IL1RAPL1: variants seen among roughly 807,000 people sequenced by gnomAD.
IL1RAPL1 encodes the protein interleukin-1 receptor accessory protein-like 1.
A neutral mutation model predicts 48.4 loss-of-function variants in IL1RAPL1; 3 were observed. The ratio of observed to expected loss-of-function variants is 0.06; its 90% CI spans 0.03 to 0.16. IL1RAPL1 has a LOEUF of 0.16. IL1RAPL1 is among the 10% of genes least tolerant of loss of function. The pLI, the probability that IL1RAPL1 is intolerant of heterozygous loss-of-function variation, is 1.00. For synonymous variants in IL1RAPL1, 185 were observed against 187.7 expected (o/e 0.99, Z 0.12); for missense variants, 349 against 530.6 (o/e 0.66, Z 3.36).
intron 5 of IL1RAPL1, among the ~76,000 whole-genome samples, chrX:29,459,221 G>A (rs1490562194): frequency 8.9e-6 from 1 of 111,760 alleles, no homozygotes; most frequent in Non-Finnish European, 1.9e-5. Flanking sequence ...GATTTCTGGT[G>A]GACAGAATGT....
intron 2 of IL1RAPL1, among the ~76,000 whole-genome samples, chrX:29,224,066 A>G (rs902331328): frequency 1.8e-5 from 2 of 111,515 alleles, no homozygotes; most frequent in Non-Finnish European, 3.8e-5. Context: ...TAAAATGTTT[A>G]CACCATTAGA....
intron 3 of IL1RAPL1, among the ~76,000 whole-genome samples, chrX:29,386,223 T>G (rs1335928447): frequency 2.7e-5 from 3 of 110,815 alleles, no homozygotes; most frequent in Non-Finnish European, 5.7e-5. Context: ...GAGACGGGGA[T>G]TTCACCGTCT....
At chrX:28,915,784 A>G (rs1282760966) in intron 2 of IL1RAPL1, among the ~76,000 whole-genome samples, 1 of 111,542 alleles carries the variant, frequency 9.0e-6, no homozygotes, top group African/African-American at 3.3e-5. Context: ...TGAATAAATT[A>G]CAATTCAACA....
intron 3 of IL1RAPL1, among the ~76,000 whole-genome samples, chrX:29,370,027 A>G (rs1933522495): frequency 8.9e-6 from 1 of 112,001 alleles, no homozygotes; most frequent in South Asian, 3.7e-4. Context: ...GGCTTATTTA[A>G]GTATAAAATT....
chrX:29,198,287 T>C (rs761603971), intron 2 of IL1RAPL1, among the ~76,000 whole-genome samples: 4 of 109,889 alleles, frequency 3.6e-5, no homozygotes, highest in Admixed American at 2.9e-4. Flanking sequence ...TTTAGGTTTT[T>C]TTTTTCTTTT....
At chrX:29,126,200 C>T (rs1928896769) in intron 2 of IL1RAPL1, among the ~76,000 whole-genome samples, 1 of 111,471 alleles carries the variant, frequency 9.0e-6, no homozygotes, top group Non-Finnish European at 1.9e-5. Context: ...TTTTTTTCCA[C>T]ATATGGCTTT....
intron 1 of IL1RAPL1, among the ~76,000 whole-genome samples, chrX:28,632,886 C>CTTTTTTTTTTTTTTT (rs140847456): frequency 2.5e-5 from 1 of 40,666 alleles, no homozygotes; most frequent in Non-Finnish European, 4.3e-5. Flanking sequence ...TCACTGTATG[C>CTTTTTTTTTTTTTTT]TTTTTTTTTT....
At chrX:29,494,303 A>C (rs5971521) in intron 5 of IL1RAPL1, among the ~76,000 whole-genome samples, 53,153 of 110,507 alleles carry the variant, frequency 0.48, 9,377 homozygotes, top group East Asian at 0.69. Context: ...GATATGATTT[A>C]ATTCTTTTTT....
At chrX:29,347,355 C>T (rs1217322227) in intron 3 of IL1RAPL1, among the ~76,000 whole-genome samples, 1 of 108,776 alleles carries the variant, frequency 9.2e-6, no homozygotes, top group East Asian at 2.9e-4. Flanking sequence ...TCTTAGCAAA[C>T]AGTATATGGT....
chrX:29,491,501 A>C (rs911968861), intron 5 of IL1RAPL1, among the ~76,000 whole-genome samples: 2 of 112,353 alleles, frequency 1.8e-5, no homozygotes, highest in Admixed American at 9.4e-5. Context: ...ATAATCAAAC[A>C]AAAAAGGACT....
intron 5 of IL1RAPL1, among the ~76,000 whole-genome samples, chrX:29,463,865 A>G (rs1934831578): frequency 9.0e-6 from 1 of 111,564 alleles, no homozygotes; most frequent in South Asian, 3.8e-4. Flanking sequence ...CTGTCCCGTG[A>G]CCACCATGTT....
intron 2 of IL1RAPL1, among the ~76,000 whole-genome samples, chrX:28,848,688 C>G (rs1921576555): frequency 9.0e-6 from 1 of 111,324 alleles, no homozygotes; most frequent in Non-Finnish European, 1.9e-5. Context: ...TACAGATTAG[C>G]TCTGAATTAG....
chrX:29,395,674 G>A (rs1933911411), intron 3 of IL1RAPL1, among the ~76,000 whole-genome samples: 1 of 111,776 alleles, frequency 8.9e-6, no homozygotes, highest in Non-Finnish European at 1.9e-5. Flanking sequence ...GATATGGGTC[G>A]ATAAAGATAG....
intron 2 of IL1RAPL1, among the ~76,000 whole-genome samples, chrX:29,234,117 G>A (rs945496136): frequency 7.1e-5 from 8 of 111,949 alleles, no homozygotes; most frequent in Admixed American, 5.7e-4. Context: ...CGTGAGACTC[G>A]GAGCAGGGGA....
chrX:29,144,976 G>A (rs972980555), intron 2 of IL1RAPL1, among the ~76,000 whole-genome samples: 1 of 110,085 alleles, frequency 9.1e-6, no homozygotes, highest in Non-Finnish European at 1.9e-5. Flanking sequence ...TGATCTGCCC[G>A]CCTTGACCTC....
At chrX:29,242,556 A>T (rs895592169) in intron 2 of IL1RAPL1, among the ~76,000 whole-genome samples, 2 of 112,619 alleles carry the variant, frequency 1.8e-5, no homozygotes, top group Admixed American at 9.4e-5. Context: ...TTCATTCAAC[A>T]TGTAGTGATT....
intron 2 of IL1RAPL1, among the ~76,000 whole-genome samples, chrX:29,106,542 A>C (rs906692716): frequency 2.0e-4 from 22 of 112,004 alleles, no homozygotes; most frequent in African/African-American, 6.8e-4. Context: ...AAATAACACA[A>C]CCAAACATCA....
chrX:29,749,236 A>T (rs190458950), intron 6 of IL1RAPL1, among the ~76,000 whole-genome samples: 1 of 112,085 alleles, frequency 8.9e-6, no homozygotes, highest in Non-Finnish European at 1.9e-5. Flanking sequence ...TCTTAACATT[A>T]TACTGACTCC....
intron 2 of IL1RAPL1, among the ~76,000 whole-genome samples, chrX:29,208,066 C>G (rs1261867435): frequency 9.0e-6 from 1 of 111,343 alleles, no homozygotes; most frequent in Non-Finnish European, 1.9e-5. Context: ...ATACCTGGTA[C>G]AAAATAACTA....
Sources: gnomAD v4.1 joint callset for allele counts (sites outside exome capture counted in the v4.1 genomes callset) on GRCh38, gnomAD v4.1.1 for gene constraint, MANE v1.5 for transcripts, NCBI Gene and HGNC (gene_info 2026-07-23, HGNC 2026-07-21) for gene names.